Variants in RAI14 observed in about 807,000 individuals in gnomAD.
RAI14 encodes the protein ankycorbin.
Under a neutral mutation model 115.4 loss-of-function variants are expected in RAI14, and 45 were observed. The ratio of observed to expected loss-of-function variants is 0.39; its 90% CI spans 0.31 to 0.50. RAI14 has a LOEUF of 0.50. Among genes scored for constraint, RAI14 ranks in the 20% least tolerant of loss-of-function variants. The probability of loss-of-function intolerance (pLI) is 0.85; values close to 1 mark genes in which losing one functional copy is unlikely to be tolerated. For synonymous variants in RAI14, 371 were observed against 415.4 expected (o/e 0.89, Z 1.30); for missense variants, 939 against 1,131.2 (o/e 0.83, Z 2.44).
At chr5:34,674,119 A>T (rs551081964) in intron 1 of RAI14, among the ~76,000 whole-genome samples, 1 of 152,316 alleles carries the variant, frequency 6.6e-6, no homozygotes, top group South Asian at 2.1e-4. Flanking sequence ...GACAAAAAAA[A>T]AATCCTTTTT....
Position 34,787,893 on chromosome 5 carries a change from ATTTTTTTTTTTTTTTTTTT to A in RAI14, c.168-8024_168-8006del, listed in dbSNP as rs70973012. ...GGGTTTCTTAACCTGGATACTACTG[ATTTTTTTTTTTTTTTTTTT>A]TTTTTTTTTTTTTTTTTTTTTGAGA... On this transcript the variant is annotated intron_variant, in intron 3 of 17. Coordinates refer to ENST00000265109, the MANE Select transcript of RAI14 (RefSeq NM_015577.3). Among the ~76,000 whole-genome samples, 42 of 25,110 alleles carry A rather than the reference ATTTTTTTTTTTTTTTTTTT, an allele frequency of 1.7e-3. 1 individual carries two copies. In the South Asian group the frequency reaches 0.044, roughly 26 times the overall value. The allele number at this position is 25,110 out of a possible 152,430, so 16.5% of individuals were successfully genotyped here. A position where few individuals can be genotyped will look rare whatever the true frequency, so the allele number is the denominator to read the frequency against.
At chr5:34,672,785 T>G (rs947365106) in intron 1 of RAI14, among the ~76,000 whole-genome samples, 5 of 152,190 alleles carry the variant, frequency 3.3e-5, no homozygotes, top group African/African-American at 1.2e-4. Flanking sequence ...CTGCTATTCA[T>G]CATTAGGCAT....
intron 1 of RAI14, among the ~76,000 whole-genome samples, chr5:34,676,017 TTTCTC>T (rs1226290555): frequency 1.3e-5 from 2 of 152,266 alleles, no homozygotes; most frequent in Admixed American, 6.5e-5. Flanking sequence ...TATGTTTTCA[TTTCTC>T]TCGTAGGTGG....
chr5:34,720,937 G>A (rs994949550), intron 2 of RAI14, among the ~76,000 whole-genome samples: 5 of 151,078 alleles, frequency 3.3e-5, no homozygotes, highest in Non-Finnish European at 5.9e-5. Context: ...GTAATCCTCC[G>A]CGCTCAGCCT....
chr5:34,689,910 A>G (rs556762979), intron 2 of RAI14, among the ~76,000 whole-genome samples: 1 of 152,134 alleles, frequency 6.6e-6, no homozygotes, highest in East Asian at 1.9e-4. Flanking sequence ...CAAAAAAAGA[A>G]TGTCAAAAAT....
At chr5:34,740,322 C>A (rs959532530) in intron 2 of RAI14, among the ~76,000 whole-genome samples, 4 of 152,188 alleles carry the variant, frequency 2.6e-5, no homozygotes, top group Admixed American at 2.6e-4. Context: ...ATCCATAGCA[C>A]AAGACCACAC....
intron 2 of RAI14, among the ~76,000 whole-genome samples, chr5:34,754,678 G>A (rs2150084360): frequency 6.6e-6 from 1 of 152,250 alleles, no homozygotes; most frequent in African/African-American, 2.4e-5. Context: ...GTAAATTCTG[G>A]CCTGCACTGA....
At chr5:34,830,395 A>G (rs1757918972) in intron 17 of RAI14, among the ~76,000 whole-genome samples, 1 of 152,106 alleles carries the variant, frequency 6.6e-6, no homozygotes, top group Non-Finnish European at 1.5e-5. Context: ...CCTTGGCTCT[A>G]TGATGCTTGG....
In RAI14 at chr5:34,814,674, T is replaced by C. The variant is rs1285870184; in HGVS notation, c.939+5T>C. 4 of 1,589,784 alleles carry C rather than the reference T, an allele frequency of 2.5e-6. No individual in the cohort carries two copies. Among genetic ancestry groups the C allele is most frequent in the Non-Finnish European group, 2.6e-6 (3 of 1,158,090 alleles). Reference sequence around the variant, plus strand: ...TTTGCTGAACCACCCTTCAAGGTATTTCCTTTCTGTATTCAGTTTTGTTAC... The same window carrying C: ...TTTGCTGAACCACCCTTCAAGGTATCTCCTTTCTGTATTCAGTTTTGTTAC... On this transcript the variant is annotated splice_donor_5th_base_variant and intron_variant, in intron 12 of 17. Transcript: ENST00000265109.
intron 3 of RAI14, among the ~76,000 whole-genome samples, chr5:34,764,477 G>A (rs546135062): frequency 1.3e-5 from 2 of 152,070 alleles, no homozygotes; most frequent in South Asian, 2.1e-4. Flanking sequence ...GTTCCAACAG[G>A]TGCTACATCG....
At chr5:34,811,676 C>T in intron 8 of RAI14, 91 bp from the exon 9 acceptor site, 2 of 1,201,480 alleles carry the variant, frequency 1.7e-6, no homozygotes, top group Non-Finnish European at 2.3e-6. Flanking sequence ...TGCACTTAAT[C>T]TTCTTTTCTC....
At chr5:34,766,322 G>A (rs562408378) in intron 3 of RAI14, among the ~76,000 whole-genome samples, 12 of 152,278 alleles carry the variant, frequency 7.9e-5, no homozygotes, top group East Asian at 1.9e-4. Flanking sequence ...ACACCAGCCC[G>A]TGAGAGCAGC....
intron 2 of RAI14, among the ~76,000 whole-genome samples, chr5:34,748,120 G>C (rs1469693045): frequency 6.6e-6 from 1 of 152,106 alleles, no homozygotes; most frequent in Non-Finnish European, 1.5e-5. Flanking sequence ...AGGTGTTTAT[G>C]TATTATGTAC....
At chr5:34,712,949 G>A (rs562037970) in intron 2 of RAI14, among the ~76,000 whole-genome samples, 1 of 152,222 alleles carries the variant, frequency 6.6e-6, no homozygotes, top group South Asian at 2.1e-4. Flanking sequence ...GAAGAATTAT[G>A]TAAAGATGTA....
At chr5:34,821,577 A>G (rs545756041) in intron 13 of RAI14, among the ~76,000 whole-genome samples, 155 bp from the exon 14 acceptor site, 1 of 152,286 alleles carries the variant, frequency 6.6e-6, no homozygotes, top group African/African-American at 2.4e-5. Context: ...TTTCTATATA[A>G]AATGAAAATT....
intron 2 of RAI14, among the ~76,000 whole-genome samples, chr5:34,722,740 G>T (rs542757508): frequency 2.0e-5 from 3 of 151,438 alleles, no homozygotes; most frequent in South Asian, 4.2e-4. Context: ...CAGCTACTTG[G>T]GGGGCTGAGG....
chr5:34,733,882 CCCT>C (rs1448242038), intron 2 of RAI14, among the ~76,000 whole-genome samples: 2 of 152,196 alleles, frequency 1.3e-5, no homozygotes, highest in African/African-American at 4.8e-5. Context: ...CTTCCTGCTG[CCCT>C]CCTACTACTG....
At chr5:34,765,060 T>C (rs1012699158) in intron 3 of RAI14, among the ~76,000 whole-genome samples, 11 of 152,322 alleles carry the variant, frequency 7.2e-5, no homozygotes, top group East Asian at 1.9e-4. Context: ...TCTCTTGCCG[T>C]TGCTATGTAA....
chr5:34,772,260 A>G (rs1446546147), intron 3 of RAI14, among the ~76,000 whole-genome samples: 2 of 152,160 alleles, frequency 1.3e-5, no homozygotes, highest in South Asian at 2.1e-4. Flanking sequence ...GTAAAATGAT[A>G]AAGAACCAGC....
Sources: allele counts gnomAD v4.1 joint callset (sites outside exome capture counted in the v4.1 genomes callset), GRCh38; gene constraint gnomAD v4.1.1; transcripts MANE v1.5; gene names NCBI Gene and HGNC (gene_info 2026-07-23, HGNC 2026-07-21).